The following ZFAND3 variants were observed in gnomAD, a reference collection of about 807,000 sequenced individuals.
ZFAND3 encodes the protein AN1-type zinc finger protein 3.
Under a neutral mutation model 29.6 loss-of-function variants are expected in ZFAND3, and 10 were observed. The observed-to-expected ratio is 0.34, with a 90% CI of 0.21 to 0.57. The LOEUF (loss-of-function observed/expected upper bound fraction) is 0.57. ZFAND3 is among the 20% of genes least tolerant of loss of function. The pLI is 0.86. For missense variants in ZFAND3, 230 were observed against 304.5 expected (o/e 0.76, Z 1.82); for synonymous variants, 128 against 112.6 (o/e 1.14, Z -0.87).
intron 2 of ZFAND3, among the ~76,000 whole-genome samples, chr6:37,968,838 C>T (rs1471437912): frequency 6.6e-6 from 1 of 152,212 alleles, no homozygotes; most frequent in African/African-American, 2.4e-5. Flanking sequence ...CCAGTTGACC[C>T]TGTGTTTTTG....
rs73419977 is a variant in ZFAND3, at chr6:38,089,536, C to T, written c.361+7079C>T. 1.5e-3 allele frequency among the ~76,000 whole-genome samples: 231 copies of T among 152,350 alleles called. 1 individual carries two copies. Among genetic ancestry groups the T allele is most frequent in the African/African-American group, 4.6e-3 (193 of 41,586 alleles). The stretch of plus-strand genomic sequence containing the variant: ...TAAGAGAAGATTGATGTGCTGAACA[C>T]TTTCACATCAGTGTTTGGAAGCCAG... On this transcript the variant is annotated intron_variant, in intron 4 of 5. Transcript: ENST00000287218.
At position 37,983,343 on chromosome 6, in the gene ZFAND3, C is replaced by CTTTTTTTTTTTTT. The variant is rs70981516; in HGVS notation, c.112+53362_112+53374dup. 4.4e-4 allele frequency among the ~76,000 whole-genome samples: 22 copies of CTTTTTTTTTTTTT among 50,046 alleles called. 2 individuals carry two copies. The highest frequency in any genetic ancestry group is 1.6e-3 in the African/African-American group (20 of 12,360). 32.8% of individuals were successfully genotyped at this position (50,046 alleles called of 152,430 possible). ...CCTATACAGGTGTACCAGTTTTTATCTTTTTTTTTTTTTTTTTTTTTTTTT... is the reference window on the plus strand; with the variant it reads ...CCTATACAGGTGTACCAGTTTTTATCTTTTTTTTTTTTTTTTTTTTTTTTTTTTTTTTTTTTTT... On this transcript the variant is annotated intron_variant, in intron 2 of 5. Coordinates refer to ENST00000287218, the MANE Select transcript of ZFAND3 (RefSeq NM_021943.3).
At chr6:38,022,651 A>T (rs191324695) in intron 2 of ZFAND3, among the ~76,000 whole-genome samples, 1 of 152,240 alleles carries the variant, frequency 6.6e-6, no homozygotes, top group African/African-American at 2.4e-5. Flanking sequence ...TGCTTAGGTC[A>T]TGTAGCTCCT....
intron 2 of ZFAND3, among the ~76,000 whole-genome samples, chr6:38,058,062 G>A (rs1764165524): frequency 6.6e-6 from 1 of 152,186 alleles, no homozygotes; most frequent in Non-Finnish European, 1.5e-5. Flanking sequence ...GTTCACAAAA[G>A]AGAACTTGAA....
At chr6:37,834,060 T>C (rs1047513665) in intron 1 of ZFAND3, among the ~76,000 whole-genome samples, 4 of 152,114 alleles carry the variant, frequency 2.6e-5, no homozygotes, top group Non-Finnish European at 5.9e-5. Context: ...TCACTCTTGG[T>C]GGTGGTATAT....
At chr6:37,878,812 T>C (rs1764839702) in intron 1 of ZFAND3, among the ~76,000 whole-genome samples, 1 of 152,172 alleles carries the variant, frequency 6.6e-6, no homozygotes. Context: ...AGGGATGGAA[T>C]GAGAGGTAAA....
chr6:38,117,207 A>G (rs1326049936), intron 5 of ZFAND3, among the ~76,000 whole-genome samples: 2 of 149,860 alleles, frequency 1.3e-5, no homozygotes, highest in Non-Finnish European at 3.0e-5. Flanking sequence ...TGATTAGAAA[A>G]TTACCTTTGA....
intron 4 of ZFAND3, among the ~76,000 whole-genome samples, chr6:38,095,182 A>G (rs891864358): frequency 2.6e-5 from 4 of 152,218 alleles, no homozygotes; most frequent in African/African-American, 9.6e-5. Flanking sequence ...CTATGGGTCT[A>G]ATGAAAACAG....
Position 37,896,568 on chromosome 6 carries a change from T to TTCTTTCTTTCTC in ZFAND3, c.72-33388_72-33387insTTCTTTCTCTCT, listed in dbSNP as rs1347314739. ...TTTCTTTCTTTCTTTCTTTCTTTCT[T>TTCTTTCTTTCTC]TCTCTCTTTCTCTCTCTTTCTCTTT... is the stretch of plus-strand genomic sequence containing the variant. On this transcript the variant is annotated intron_variant, in intron 1 of 5. Coordinates refer to ENST00000287218, the MANE Select transcript of ZFAND3 (RefSeq NM_021943.3). Among the ~76,000 whole-genome samples, 283 of 145,706 alleles carry TTCTTTCTTTCTC rather than the reference T, an allele frequency of 1.9e-3. 5 individuals are homozygous for TTCTTTCTTTCTC. The East Asian group carries it at 0.04, about 20-fold the overall frequency.
At chr6:38,003,474 A>G (rs1762986386) in intron 2 of ZFAND3, among the ~76,000 whole-genome samples, 1 of 151,338 alleles carries the variant, frequency 6.6e-6, no homozygotes, top group African/African-American at 2.4e-5. Context: ...GAGTAAATGA[A>G]CCTTTAGTAT....
intron 2 of ZFAND3, among the ~76,000 whole-genome samples, chr6:37,946,267 A>G (rs1451074971): frequency 6.6e-6 from 1 of 152,088 alleles, no homozygotes; most frequent in African/African-American, 2.4e-5. Flanking sequence ...AATGGAGGCT[A>G]TTTCACTTCT....
chr6:37,999,599 G>A (rs1561961385), intron 2 of ZFAND3, among the ~76,000 whole-genome samples: 1 of 152,174 alleles, frequency 6.6e-6, no homozygotes, highest in Non-Finnish European at 1.5e-5. Context: ...CATTAATCCA[G>A]TTTAACCATG....
intron 1 of ZFAND3, among the ~76,000 whole-genome samples, chr6:37,909,260 T>TTTTTTTTC (rs1014476912): frequency 6.7e-6 from 1 of 149,688 alleles, no homozygotes; most frequent in Non-Finnish European, 1.5e-5. Flanking sequence ...CAAAACGAGA[T>TTTTTTTTC]TTTTTTTCTT....
chr6:38,142,272 G>C (rs1765972890), intron 5 of ZFAND3: 1 of 471,458 alleles, frequency 2.1e-6, no homozygotes, highest in South Asian at 1.5e-5. Context: ...TTTCTCTGGA[G>C]AGAGATGTGT....
intron 1 of ZFAND3, among the ~76,000 whole-genome samples, chr6:37,861,163 A>G (rs1303770342): frequency 6.6e-6 from 1 of 152,150 alleles, no homozygotes; most frequent in Non-Finnish European, 1.5e-5. Context: ...AGGCTGAGGC[A>G]TGAGAATTGC....
At chr6:38,151,538 TACCCAG>T (rs1766226342) in intron 5 of ZFAND3, among the ~76,000 whole-genome samples, 1 of 151,168 alleles carries the variant, frequency 6.6e-6, no homozygotes, top group Non-Finnish European at 1.5e-5. Context: ...CTCTCTCACC[TACCCAG>T]TGGAGGGAAG....
chr6:38,054,142 A>G (rs1419798814), intron 2 of ZFAND3, among the ~76,000 whole-genome samples: 1 of 151,340 alleles, frequency 6.6e-6, no homozygotes, highest in African/African-American at 2.4e-5. Context: ...GCACTTTGAG[A>G]TACCAAGGTG....
At chr6:38,076,690 T>C (rs1288524299) in intron 3 of ZFAND3, among the ~76,000 whole-genome samples, 1 of 152,238 alleles carries the variant, frequency 6.6e-6, no homozygotes, top group Non-Finnish European at 1.5e-5. Flanking sequence ...AGAGGGCTAT[T>C]ATCTGTGTGT....
chr6:38,075,166 TAAG>T (rs2127468432), intron 3 of ZFAND3, among the ~76,000 whole-genome samples: 1 of 152,288 alleles, frequency 6.6e-6, no homozygotes, highest in South Asian at 2.1e-4. Context: ...CATAATTATT[TAAG>T]AACTACATTT....
Sources: gnomAD v4.1 joint callset for allele counts (sites outside exome capture counted in the v4.1 genomes callset) on GRCh38, gnomAD v4.1.1 for gene constraint, MANE v1.5 for transcripts, NCBI Gene and HGNC (gene_info 2026-07-23, HGNC 2026-07-21) for gene names.